LHCGR: variants seen among roughly 807,000 people sequenced by gnomAD.
The protein encoded by LHCGR is luteinizing hormone/choriogonadotropin receptor.
Under a neutral mutation model 60.7 loss-of-function variants are expected in LHCGR, and 55 were observed. That is an observed-to-expected ratio of 0.91 (90% CI 0.73 to 1.13). The LOEUF is 1.13. LHCGR is among the 50% of genes most tolerant of loss of function. LHCGR has a pLI of 0.00. For missense variants in LHCGR, 862 were observed against 836.0 expected, an observed-to-expected ratio of 1.03 and a Z score of -0.38; for synonymous variants, 337 against 316.5, an observed-to-expected ratio of 1.06 and a Z score of -0.69.
chr2:48,715,974 G>A (rs188058161), intron 6 of LHCGR, among the ~76,000 whole-genome samples: 4 of 152,140 alleles, frequency 2.6e-5, no homozygotes, highest in East Asian at 1.9e-4. Context: ...GCCCTTCCCC[G>A]GGAAGGGGAG....
intron 8 of LHCGR, among the ~76,000 whole-genome samples, chr2:48,703,138 ATTTG>A (rs1667493677): frequency 3.3e-5 from 5 of 152,096 alleles, no homozygotes; most frequent in Admixed American, 2.0e-4. Context: ...TTTCTTGTAA[ATTTG>A]TTTAAGTTCT....
chr2:48,725,865 G>T, intron 3 of LHCGR, 115 bp from the exon 4 acceptor site: 1 of 850,570 alleles, frequency 1.2e-6, no homozygotes, highest in Non-Finnish European at 2.0e-6. Context: ...GCAAAAGCAG[G>T]CGACCTTCAT....
At position 48,749,709 on chromosome 2, in the gene LHCGR, G is replaced by C. The variant is rs1479018552; in HGVS notation, c.161+5802C>G. On this transcript the variant is annotated intron_variant, in intron 1 of 10. Coordinates refer to ENST00000294954, the MANE Select transcript of LHCGR (RefSeq NM_000233.4). ...GAGCCCTGAATTAATCTGATTTACT[G>C]CTTTTGAAATTAAAAAAAAAAAAAA... is the stretch of plus-strand genomic sequence containing the variant. 5.7e-4 allele frequency among the ~76,000 whole-genome samples: 81 copies of C among 142,454 alleles called. 1 individual carries two copies. The highest frequency in any genetic ancestry group is 1.7e-4 in the Non-Finnish European group (11 of 66,168). 93.5% of individuals were successfully genotyped at this position (142,454 alleles called of 152,430 possible). A position where few individuals can be genotyped will look rare whatever the true frequency, so the allele number is the denominator to read the frequency against.
At chr2:48,753,911 T>C (rs914216458) in intron 1 of LHCGR, among the ~76,000 whole-genome samples, 1 of 152,218 alleles carries the variant, frequency 6.6e-6, no homozygotes, top group African/African-American at 2.4e-5. Flanking sequence ...TGAATTGCTA[T>C]TCAATAGCTG....
At position 48,721,820 on chromosome 2, in the gene LHCGR, A is replaced by G. The variant is rs942042061; in HGVS notation, c.536+1636T>C. The G allele has an allele frequency of 1.5e-5, 7 of 470,500 alleles. No homozygotes were observed. In the Middle Eastern group the frequency reaches 9.8e-4, roughly 66 times the overall value. The allele number at this position is 470,500 out of a possible 1,614,324, so 29.1% of individuals were successfully genotyped here. A position where few individuals can be genotyped will look rare whatever the true frequency, so the allele number is the denominator to read the frequency against. On this transcript the variant is annotated intron_variant, in intron 6 of 10. Coordinates refer to ENST00000294954, the MANE Select transcript of LHCGR (RefSeq NM_000233.4). ...AAAGAGTGAGAGGGATATGGATTTT[A>G]GGAGCAGAATTAAATCAGGGTCACT...
intron 8 of LHCGR, among the ~76,000 whole-genome samples, chr2:48,707,076 G>A (rs1428328481): frequency 6.6e-6 from 1 of 152,164 alleles, no homozygotes; most frequent in Non-Finnish European, 1.5e-5. Context: ...ATGGGGTTTT[G>A]GTATGGATGC....
chr2:48,725,302 A>T (rs1668668567), intron 4 of LHCGR, among the ~76,000 whole-genome samples: 1 of 152,240 alleles, frequency 6.6e-6, no homozygotes, highest in South Asian at 2.1e-4. Context: ...GATGAGAGTC[A>T]GACCAGAATT....
chr2:48,734,044 A>G (rs912183236), intron 1 of LHCGR, among the ~76,000 whole-genome samples: 3 of 152,196 alleles, frequency 2.0e-5, no homozygotes, highest in African/African-American at 7.2e-5. Context: ...ATTGATACTT[A>G]AAGGAATCTT....
At chr2:48,693,477 G>T (rs529636844) in intron 10 of LHCGR, among the ~76,000 whole-genome samples, 3 of 152,188 alleles carry the variant, frequency 2.0e-5, no homozygotes, top group Non-Finnish European at 4.4e-5. Flanking sequence ...GTCTAACTTG[G>T]AGATTGATAG....
intron 1 of LHCGR, among the ~76,000 whole-genome samples, chr2:48,750,426 TTGCTTCCC>T (rs1401341308): frequency 6.6e-6 from 1 of 152,234 alleles, no homozygotes; most frequent in African/African-American, 2.4e-5. Flanking sequence ...GCTTCAGGTC[TTGCTTCCC>T]TGAAGTTGAT....
chr2:48,734,874 TG>T (rs1477188712), intron 1 of LHCGR, among the ~76,000 whole-genome samples: 1 of 152,074 alleles, frequency 6.6e-6, no homozygotes, highest in Non-Finnish European at 1.5e-5. Flanking sequence ...CTCAGATGGG[TG>T]GTAAAGAATT....
At chr2:48,749,316 G>C (rs577218963) in intron 1 of LHCGR, among the ~76,000 whole-genome samples, 1 of 152,212 alleles carries the variant, frequency 6.6e-6, no homozygotes, top group Admixed American at 6.5e-5. Flanking sequence ...CACCTGCCTG[G>C]TGGGAGGGAT....
intron 1 of LHCGR, among the ~76,000 whole-genome samples, chr2:48,743,184 A>C (rs2103696228): frequency 6.6e-6 from 1 of 152,336 alleles, no homozygotes; most frequent in East Asian, 1.9e-4. Flanking sequence ...CAGGATCTGA[A>C]ATTGTGGCAA....
Position 48,687,705 on chromosome 2 carries a change from C to T in LHCGR, c.2092G>A (p.Glu698Lys). 2 of 1,613,192 alleles carry T rather than the reference C, an allele frequency of 1.2e-6. No individual in the cohort carries two copies. Among genetic ancestry groups the T allele is most frequent in the Non-Finnish European group, 8.5e-7 (1 of 1,179,234 alleles). Residue 698 changes from glutamate (E) to lysine (K), a missense_variant, in exon 11 of 11, where the codon GAG becomes AAG. Coordinates refer to ENST00000294954, the MANE Select transcript of LHCGR (RefSeq NM_000233.4). ...TALLDKTRYTEC is the reference protein window; with the variant it reads ...TALLDKTRYTKC ...AGTTACTGATGTAACAGTTAACACT[C>T]TGTGTAGCGAGTCTTGTCTAGGAGA... is the stretch of plus-strand genomic sequence containing the variant.
At position 48,688,267 on chromosome 2, in the gene LHCGR, C is replaced by T. The variant is rs1680007893; in HGVS notation, c.1530G>A (p.Lys510=). ...CATCCATGGGGAAGCAAATACTGACCTTCATGTAATTGCTGACACCGACAA... is the reference window on the plus strand; with the variant it reads ...CATCCATGGGGAAGCAAATACTGACTTTCATGTAATTGCTGACACCGACAA... ...LPLVGVSNYM[K]VSICFPMDVE... Residue 510 remains lysine, a synonymous_variant, in exon 11 of 11, where the codon AAG becomes AAA. Transcript: ENST00000294954. The surrounding 1 kb of genome is among the most constrained non-coding windows in gnomAD (Gnocchi z 5.2). 4.3e-6 allele frequency: 7 copies of T among 1,613,972 alleles called. No homozygotes were observed. The African/African-American group carries it at 8.0e-5, about 18-fold the overall frequency.
rs372732074 is a variant in LHCGR at position 48,694,319 on chromosome 2, G to T, written c.867-15C>A. 25 of 1,537,644 alleles carry T rather than the reference G, an allele frequency of 1.6e-5. No individual in the cohort carries two copies. The African/African-American group carries it at 2.4e-4, about 15-fold the overall frequency. On this transcript the variant is annotated splice_polypyrimidine_tract_variant and intron_variant, in intron 9 of 10. Transcript: ENST00000294954. ...AAAAATTCTGTCTGAAAGAGAAGAG[G>T]TTAAAAAAAGCATTTGAGCTTTTGG... is the stretch of plus-strand genomic sequence containing the variant.
intron 1 of LHCGR, among the ~76,000 whole-genome samples, chr2:48,743,925 G>C (rs1351708461): frequency 6.6e-6 from 1 of 151,244 alleles, no homozygotes; most frequent in African/African-American, 2.4e-5. Context: ...CAGACGACGT[G>C]ATTGTATATC....
chr2:48,733,208 T>C (rs1355755874), intron 1 of LHCGR: 1 of 272,968 alleles, frequency 3.7e-6, no homozygotes, highest in Non-Finnish European at 7.2e-6. Context: ...TTTTGGAGAG[T>C]GTTTACATAA....
chr2:48,732,212 T>C (rs1425389263), intron 1 of LHCGR, among the ~76,000 whole-genome samples: 1 of 152,150 alleles, frequency 6.6e-6, no homozygotes, highest in Non-Finnish European at 1.5e-5. Flanking sequence ...TTATTGAGTA[T>C]CTACAATGGT....
Sources: gnomAD v4.1 joint callset for allele counts (sites outside exome capture counted in the v4.1 genomes callset) on GRCh38, gnomAD v4.1.1 for gene constraint, Gnocchi (gnomAD v3.1) non-coding constraint, MANE v1.5 for transcripts, NCBI Gene and HGNC (gene_info 2026-07-23, HGNC 2026-07-21) for gene names.